The following CNTN4 variants were observed in gnomAD, a reference collection of about 807,000 sequenced individuals.
CNTN4 encodes contactin-4.
CNTN4 carries 77 observed loss-of-function variants against 122.5 expected under a neutral mutation model. That is an observed-to-expected ratio of 0.63 (90% CI 0.52 to 0.76). The LOEUF (loss-of-function observed/expected upper bound fraction) is 0.76. Among genes scored for constraint, CNTN4 ranks in the 30% least tolerant of loss-of-function variants. The probability of loss-of-function intolerance (pLI) is 0.00; values close to 1 mark genes in which losing one functional copy is unlikely to be tolerated. For synonymous variants in CNTN4, 512 were observed against 447.0 expected (o/e 1.15, Z -1.83); for missense variants, 1,256 against 1,259.1 (o/e 1.00, Z 0.04).
chr3:2,644,237 C>T (rs2083019723), intron 4 of CNTN4, among the ~76,000 whole-genome samples: 1 of 152,162 alleles, frequency 6.6e-6, no homozygotes, highest in African/African-American at 2.4e-5. Flanking sequence ...GTCATAGATG[C>T]TCTCAATAAT....
chr3:2,461,326 CATTAATT>C (rs373757662), intron 3 of CNTN4, among the ~76,000 whole-genome samples: 1,554 of 151,810 alleles, frequency 0.01, 8 homozygotes, highest in Non-Finnish European at 0.016. Context: ...TGGAAGTTAT[CATTAATT>C]ATTAATTATT....
intron 7 of CNTN4, among the ~76,000 whole-genome samples, chr3:2,824,444 G>A (rs939628862): frequency 2.0e-5 from 3 of 148,642 alleles, no homozygotes; most frequent in African/African-American, 2.5e-5. Flanking sequence ...GCGACAGAGC[G>A]AGACTCTGGC....
In CNTN4 at chr3:2,178,070, G is replaced by T. The variant is rs573759889; in HGVS notation, c.-145+77431G>T. On this transcript the variant is annotated intron_variant, in intron 2 of 24. Coordinates refer to ENST00000418658, the MANE Select transcript of CNTN4 (RefSeq NM_175607.3). ...ATTACCATTCACTTCATCCTGGAAT[G>T]GTAGCTAGGACCTGTGAAATTCTGT... 1.4e-3 allele frequency among the ~76,000 whole-genome samples: 216 copies of T among 152,126 alleles called. 1 individual carries two copies. Among genetic ancestry groups the T allele is most frequent in the Non-Finnish European group, 1.9e-3 (130 of 67,986 alleles).
chr3:2,474,210 A>G (rs11708578), intron 3 of CNTN4, among the ~76,000 whole-genome samples: 27,537 of 151,874 alleles, frequency 0.18, 3,159 homozygotes, highest in Middle Eastern at 0.28. Flanking sequence ...ATTTCATCAC[A>G]TATATCGTAA....
chr3:3,043,214 CAAGT>C, intron 22 of CNTN4, 51 bp downstream of exon 22: 1 of 1,463,162 alleles, frequency 6.8e-7, no homozygotes, highest in Non-Finnish European at 9.5e-7. Flanking sequence ...ACACATATCC[CAAGT>C]TTATTCCTTA....
At chr3:2,474,781 A>C (rs142259519) in intron 3 of CNTN4, among the ~76,000 whole-genome samples, 35 of 152,236 alleles carry the variant, frequency 2.3e-4, no homozygotes, top group African/African-American at 8.4e-4. Flanking sequence ...TGAATGCATA[A>C]TTTTCCACTT....
chr3:2,600,067 G>A (rs1258356406), intron 4 of CNTN4, among the ~76,000 whole-genome samples: 1 of 133,034 alleles, frequency 7.5e-6, no homozygotes, highest in Non-Finnish European at 1.6e-5. Context: ...TCAATAAAGG[G>A]CAGAAGTTTT....
intron 16 of CNTN4, among the ~76,000 whole-genome samples, chr3:3,031,522 C>T (rs1438033512): frequency 2.6e-5 from 4 of 152,032 alleles, no homozygotes; most frequent in African/African-American, 7.3e-5. Context: ...GATGTAAATA[C>T]TAACATTTTT....
At chr3:2,749,328 GTTTTTT>G (rs11381094) in intron 6 of CNTN4, among the ~76,000 whole-genome samples, 1 of 135,674 alleles carries the variant, frequency 7.4e-6, no homozygotes, top group East Asian at 2.2e-4. Flanking sequence ...GCCCAGATAA[GTTTTTT>G]TTTTTTTTTT....
chr3:2,164,645 C>T (rs764147887), intron 2 of CNTN4, among the ~76,000 whole-genome samples: 6 of 152,094 alleles, frequency 3.9e-5, no homozygotes, highest in South Asian at 2.1e-4. Flanking sequence ...CAATTAGTTA[C>T]CTTCAAGGAA....
intron 4 of CNTN4, among the ~76,000 whole-genome samples, chr3:2,731,513 A>G (rs1002158355): frequency 1.3e-5 from 2 of 152,208 alleles, no homozygotes; most frequent in African/African-American, 4.8e-5. Flanking sequence ...GTGTCAGATC[A>G]ATGGTCTGGA....
At position 2,900,633 on chromosome 3, in the gene CNTN4, G is replaced by T. The variant is rs540084978; in HGVS notation, c.941-52G>T. The T allele has an allele frequency of 6.9e-6, 11 of 1,587,914 alleles. No homozygotes were observed. In the South Asian group the frequency reaches 1.0e-4, roughly 14 times the overall value. ...CCTTTGATTGAATATGATAAAAATA[G>T]ATTGAGTACACACTGAATATACACC... On this transcript the variant is annotated intron_variant, in intron 10 of 24. Coordinates refer to ENST00000418658, the MANE Select transcript of CNTN4 (RefSeq NM_175607.3).
chr3:2,520,197 G>A (rs1171144118), intron 3 of CNTN4, among the ~76,000 whole-genome samples: 1 of 149,742 alleles, frequency 6.7e-6, no homozygotes, highest in Admixed American at 6.7e-5. Flanking sequence ...TTCTACTGGG[G>A]TGCTAAAGTT....
chr3:2,659,907 A>G (rs1004412055), intron 4 of CNTN4, among the ~76,000 whole-genome samples: 1 of 152,220 alleles, frequency 6.6e-6, no homozygotes, highest in African/African-American at 2.4e-5. Flanking sequence ...GATACATCGA[A>G]CTGGAAACCT....
chr3:2,902,810 G>T, intron 11 of CNTN4, 66 bp from the exon 12 acceptor site: 1 of 1,545,148 alleles, frequency 6.5e-7, no homozygotes. Context: ...ATTACACATG[G>T]TAAAATTGCC....
chr3:2,956,646 G>A (rs545915550), intron 13 of CNTN4, among the ~76,000 whole-genome samples: 7 of 151,962 alleles, frequency 4.6e-5, no homozygotes, highest in African/African-American at 1.7e-4. Context: ...TATTCAAGGT[G>A]TACAACATGA....
At chr3:2,591,975 T>C (rs1253921914) in intron 4 of CNTN4, among the ~76,000 whole-genome samples, 1 of 152,128 alleles carries the variant, frequency 6.6e-6, no homozygotes, top group Non-Finnish European at 1.5e-5. Flanking sequence ...ACTCCTGGGC[T>C]CAAGGCATCC....
intron 8 of CNTN4, among the ~76,000 whole-genome samples, chr3:2,872,156 T>G (rs2093792835): frequency 6.6e-6 from 1 of 152,106 alleles, no homozygotes; most frequent in South Asian, 2.1e-4. Flanking sequence ...TAAATTTCCA[T>G]AAACAAAGGT....
At chr3:2,478,533 T>C (rs2075895346) in intron 3 of CNTN4, among the ~76,000 whole-genome samples, 1 of 152,038 alleles carries the variant, frequency 6.6e-6, no homozygotes, top group African/African-American at 2.4e-5. Context: ...ATTACCCAGA[T>C]ACTAAGCCCG....
Sources: allele counts gnomAD v4.1 joint callset (sites outside exome capture counted in the v4.1 genomes callset), GRCh38; gene constraint gnomAD v4.1.1; transcripts MANE v1.5; gene names NCBI Gene and HGNC (gene_info 2026-07-23, HGNC 2026-07-21).